The following CSGALNACT1 variants were observed in gnomAD, a reference collection of about 807,000 sequenced individuals.
The protein encoded by CSGALNACT1 is chondroitin sulfate N-acetylgalactosaminyltransferase 1, also known as beta4GalNAcT-1.
CSGALNACT1 carries 52 observed loss-of-function variants against 51.0 expected under a neutral mutation model. That is an observed-to-expected ratio of 1.02 (90% CI 0.82 to 1.29). The LOEUF (loss-of-function observed/expected upper bound fraction) is 1.29, where lower values mean the gene tolerates loss of function less well. Ranked by LOEUF, CSGALNACT1 falls within the 50% of genes most tolerant of loss-of-function variation. The probability of loss-of-function intolerance (pLI) is 0.00; values close to 1 mark genes in which losing one functional copy is unlikely to be tolerated. For synonymous variants in CSGALNACT1, 341 were observed against 254.4 expected (o/e 1.34, Z -3.24); for missense variants, 935 against 679.2 (o/e 1.38, Z -4.19).
chr8:19,674,742 G>A (rs1469427522), intron 1 of CSGALNACT1, among the ~76,000 whole-genome samples: 1 of 152,170 alleles, frequency 6.6e-6, no homozygotes, highest in Non-Finnish European at 1.5e-5. Flanking sequence ...TTGGGAGCAG[G>A]GAGGGCAGTT....
At chr8:19,462,219 G>A (rs979234006) in intron 4 of CSGALNACT1, among the ~76,000 whole-genome samples, 4 of 152,228 alleles carry the variant, frequency 2.6e-5, no homozygotes, top group African/African-American at 9.7e-5. Flanking sequence ...CCCCGTGTGG[G>A]TGACTGCATC....
rs1337829716 is a variant in CSGALNACT1, at chr8:19,757,417, A to C, written c.-297+433T>G. 1 of 152,318 alleles carries C rather than the reference A, an allele frequency of 6.6e-6. No individual in the cohort carries two copies. Among genetic ancestry groups the C allele is most frequent in the Non-Finnish European group, 1.5e-5 (1 of 67,814 alleles). 9.4% of individuals were successfully genotyped at this position (152,318 alleles called of 1,614,324 possible). ...CAGGGTAGGTCCGGCGGGGGCGGCC[A>C]AGGCCGGGCTGGGGTCGCGGTTGGC... On this transcript the variant is annotated intron_variant, in intron 1 of 1. Transcript: ENST00000517494. The surrounding 1 kb of genome is among the most constrained non-coding windows in gnomAD (Gnocchi z 4.0).
chr8:19,494,510 G>C (rs572223390), intron 4 of CSGALNACT1, among the ~76,000 whole-genome samples: 2 of 152,298 alleles, frequency 1.3e-5, no homozygotes, highest in South Asian at 4.1e-4. Flanking sequence ...GGGCTTGTGA[G>C]AGGCAGGGAC....
chr8:19,640,470 G>T (rs558448761), intron 1 of CSGALNACT1, among the ~76,000 whole-genome samples: 3 of 152,246 alleles, frequency 2.0e-5, no homozygotes, highest in African/African-American at 7.2e-5. Flanking sequence ...CATTCTCAAT[G>T]TAACTTTGAG....
chr8:19,444,533 T>C (rs1263216570), intron 5 of CSGALNACT1, among the ~76,000 whole-genome samples: 3 of 152,218 alleles, frequency 2.0e-5, no homozygotes, highest in African/African-American at 7.2e-5. Flanking sequence ...ATATTTTACA[T>C]GTGCTTCCAT....
intron 1 of CSGALNACT1, among the ~76,000 whole-genome samples, chr8:19,611,769 T>C (rs1360230241): frequency 6.6e-6 from 1 of 152,084 alleles, no homozygotes; most frequent in Admixed American, 6.5e-5. Context: ...ATCTTTTGCA[T>C]GGTAGCAGCA....
chr8:19,423,177 A>T (rs1377075054), intron 6 of CSGALNACT1, among the ~76,000 whole-genome samples: 2 of 152,232 alleles, frequency 1.3e-5, no homozygotes, highest in Non-Finnish European at 2.9e-5. Flanking sequence ...GAAGAAGAAC[A>T]TAGGCTCTTA....
intron 4 of CSGALNACT1, among the ~76,000 whole-genome samples, chr8:19,463,443 A>G (rs1304443139): frequency 6.6e-6 from 1 of 152,178 alleles, no homozygotes; most frequent in Non-Finnish European, 1.5e-5. Context: ...ACCTAAAAAA[A>G]TCCTTTTGCC....
At chr8:19,650,128 A>C (rs1396039730) in intron 1 of CSGALNACT1, among the ~76,000 whole-genome samples, 1 of 152,188 alleles carries the variant, frequency 6.6e-6, no homozygotes, top group Non-Finnish European at 1.5e-5. Flanking sequence ...GACTCAGATT[A>C]TGCATTTCTA....
chr8:19,420,889 C>G (rs1039971393), intron 6 of CSGALNACT1, among the ~76,000 whole-genome samples: 1 of 152,218 alleles, frequency 6.6e-6, no homozygotes, highest in African/African-American at 2.4e-5. Flanking sequence ...AATGAGGCCA[C>G]TGAGCCAAGG....
At chr8:19,538,905 G>A (rs2084410807) in intron 3 of CSGALNACT1, among the ~76,000 whole-genome samples, 1 of 152,058 alleles carries the variant, frequency 6.6e-6, no homozygotes, top group Non-Finnish European at 1.5e-5. Flanking sequence ...CATTTGCTCT[G>A]CCTGGACCGC....
chr8:19,431,680 A>C (rs2059670918), intron 6 of CSGALNACT1, among the ~76,000 whole-genome samples: 2 of 152,082 alleles, frequency 1.3e-5, no homozygotes, highest in African/African-American at 4.8e-5. Flanking sequence ...GGCTTCAAAG[A>C]GTAAGTTGGA....
At chr8:19,682,742 G>C (rs1354373152), upstream of CSGALNACT1, 1 of 453,986 alleles carries the variant, frequency 2.2e-6, no homozygotes, top group Non-Finnish European at 4.4e-6. Flanking sequence ...GAGCAAGGCT[G>C]CGGATCCCAG....
chr8:19,595,676 G>T (rs189882424), intron 2 of CSGALNACT1, among the ~76,000 whole-genome samples: 1 of 151,910 alleles, frequency 6.6e-6, no homozygotes, highest in East Asian at 1.9e-4. Context: ...AGCACTTTGG[G>T]AGGCCAAGGC....
intron 1 of CSGALNACT1, among the ~76,000 whole-genome samples, chr8:19,692,587 T>C (rs1280336635): frequency 2.0e-5 from 3 of 152,228 alleles, no homozygotes; most frequent in Non-Finnish European, 4.4e-5. Context: ...GCTAAAAATG[T>C]ATGTGACTAA....
At chr8:19,582,998 T>C (rs1441612822) in intron 3 of CSGALNACT1, among the ~76,000 whole-genome samples, 1 of 152,150 alleles carries the variant, frequency 6.6e-6, no homozygotes, top group Non-Finnish European at 1.5e-5. Context: ...AATAGCCAAA[T>C]TAGACCACTG....
At chr8:19,420,671 G>GACTCACAGGAT (rs1554516307) in intron 6 of CSGALNACT1, among the ~76,000 whole-genome samples, 153 bp from the exon 6 acceptor site, 1 of 152,200 alleles carries the variant, frequency 6.6e-6, no homozygotes, top group Non-Finnish European at 1.5e-5. Flanking sequence ...GAACGGCCCA[G>GACTCACAGGAT]ACTCACAGGA....
intron 1 of CSGALNACT1, among the ~76,000 whole-genome samples, chr8:19,727,359 T>TTGGTC (rs2063460064): frequency 7.3e-6 from 1 of 137,512 alleles, no homozygotes; most frequent in South Asian, 2.4e-4. Context: ...TTGGTTTGGT[T>TTGGTC]TGGTTTTAGA....
chr8:19,569,516 G>GAAA (rs34307406), intron 3 of CSGALNACT1, among the ~76,000 whole-genome samples: 2 of 148,166 alleles, frequency 1.3e-5, no homozygotes, highest in African/African-American at 4.9e-5. Flanking sequence ...TTCTGGAGAT[G>GAAA]AAAAAAAAAA....
Sources: allele counts gnomAD v4.1 joint callset (sites outside exome capture counted in the v4.1 genomes callset), GRCh38; gene constraint gnomAD v4.1.1; non-coding constraint Gnocchi (gnomAD v3.1); transcripts MANE v1.5; gene names NCBI Gene and HGNC (gene_info 2026-07-23, HGNC 2026-07-21).